Variants in EP400 observed in about 807,000 individuals in gnomAD.
EP400 encodes the protein E1A binding protein p400, also known as E1A-binding protein p400.
A neutral mutation model predicts 354.1 loss-of-function variants in EP400; 105 were observed. That is an observed-to-expected ratio of 0.30 (90% CI 0.25 to 0.35). EP400 has a LOEUF of 0.35. Among genes scored for constraint, EP400 ranks in the 10% least tolerant of loss-of-function variants. The pLI, the probability that EP400 is intolerant of heterozygous loss-of-function variation, is 1.00. For synonymous variants in EP400, 1,646 were observed against 1,716.9 expected (o/e 0.96, Z 1.02); for missense variants, 3,280 against 4,121.0 (o/e 0.80, Z 5.59).
At chr12:131,981,918 C>G (rs994571138) in intron 4 of EP400, among the ~76,000 whole-genome samples, 175 bp from the exon 5 acceptor site, 3 of 152,126 alleles carry the variant, frequency 2.0e-5, no homozygotes, top group Non-Finnish European at 4.4e-5. Context: ...TGCTGACTTG[C>G]AAAGGTCAAG....
intron 45 of EP400, among the ~76,000 whole-genome samples, chr12:132,059,467 T>C (rs1382529811): frequency 6.6e-6 from 1 of 152,180 alleles, no homozygotes; most frequent in Non-Finnish European, 1.5e-5. Context: ...AAGTGAAGTC[T>C]ACCTGCTTCA....
At chr12:131,997,761 G>A (rs2136512725) in intron 12 of EP400, among the ~76,000 whole-genome samples, 1 of 152,164 alleles carries the variant, frequency 6.6e-6, no homozygotes, top group Middle Eastern at 3.4e-3. Flanking sequence ...GGAGGGGAAG[G>A]GGTTGGTCCT....
In EP400 at chr12:132,017,802, G is replaced by T. The variant is rs1325351570; in HGVS notation, c.4110+81G>T. 3 of 1,409,152 alleles carry T rather than the reference G, an allele frequency of 2.1e-6. No homozygotes were observed. Among genetic ancestry groups the T allele is most frequent in the Non-Finnish European group, 2.8e-6 (3 of 1,064,264 alleles). The allele number at this position is 1,409,152 out of a possible 1,614,324, so 87.3% of individuals were successfully genotyped here. ...TATAGATAAAACCATTCTTGGAAAT[G>T]GGTTCTCAACCAGCTCTTCTGCAAT... On this transcript the variant is annotated intron_variant, in intron 20 of 52. Coordinates refer to ENST00000389561, the MANE Select transcript of EP400 (RefSeq NM_015409.5). This position sits in a 1 kb window ranked among gnomAD's most constrained non-coding sequence, Gnocchi z 5.0.
chr12:132,065,368 T>TA, intron 48 of EP400: 2 of 159,712 alleles, frequency 1.3e-5, no homozygotes, highest in Admixed American at 5.9e-5. Context: ...AGACTGGCTC[T>TA]CAGCAGGTGC....
At chr12:131,978,166 A>G (rs57221495) in intron 2 of EP400, among the ~76,000 whole-genome samples, 1 of 152,104 alleles carries the variant, frequency 6.6e-6, no homozygotes, top group Admixed American at 6.5e-5. Context: ...TTTAAAAAAC[A>G]TGATTTTTTA....
At chr12:131,975,863 A>G (rs1892455655) in intron 2 of EP400, among the ~76,000 whole-genome samples, 1 of 152,018 alleles carries the variant, frequency 6.6e-6, no homozygotes, top group South Asian at 2.1e-4. Flanking sequence ...TGGTCAATTT[A>G]AAATTTTTTG....
rs376064712 is a variant in EP400 at position 132,069,757 on chromosome 12, C to G, written c.9021+116C>G. ...CCTTGCGGCTGCACTGGGTGGTGCACTGGAGGGAAGTGTTGTCTCCTGGCC... is the reference window on the plus strand; with the variant it reads ...CCTTGCGGCTGCACTGGGTGGTGCAGTGGAGGGAAGTGTTGTCTCCTGGCC... On this transcript the variant is annotated intron_variant, in intron 51 of 52. Transcript: ENST00000389561. The G allele has an allele frequency of 3.6e-5, 52 of 1,452,424 alleles. No homozygotes were observed. The East Asian group carries it at 5.8e-4, about 16-fold the overall frequency. 90.0% of individuals were successfully genotyped at this position (1,452,424 alleles called of 1,614,324 possible). A position where few individuals can be genotyped will look rare whatever the true frequency, so the allele number is the denominator to read the frequency against.
intron 15 of EP400, among the ~76,000 whole-genome samples, chr12:132,010,085 C>CT (rs771764984): frequency 0.012 from 1,659 of 134,544 alleles, 50 homozygotes; most frequent in South Asian, 0.11. Context: ...GAGGTTGTGT[C>CT]TTTTTTTTTT....
At position 132,027,598 on chromosome 12, in the gene EP400, T is replaced by A; in HGVS notation, c.5109+67T>A. The A allele has an allele frequency of 7.4e-7, 1 of 1,349,454 alleles. No individual in the cohort carries two copies. The highest frequency in any genetic ancestry group is 1.0e-6 in the Non-Finnish European group (1 of 988,146). 83.6% of individuals were successfully genotyped at this position (1,349,454 alleles called of 1,614,324 possible). A position where few individuals can be genotyped will look rare whatever the true frequency, so the allele number is the denominator to read the frequency against. ...AGCTTTCCAAGAGCTGCTCGTTGTG[T>A]TTGGTTGTGATATTTAAAGGCTCCT... On this transcript the variant is annotated intron_variant, in intron 26 of 52. Coordinates refer to ENST00000389561, the MANE Select transcript of EP400 (RefSeq NM_015409.5). The surrounding 1 kb of genome is among the most constrained non-coding windows in gnomAD (Gnocchi z 4.9).
At chr12:131,952,633 G>A (rs971224362) in intron 1 of EP400, among the ~76,000 whole-genome samples, 5 of 152,044 alleles carry the variant, frequency 3.3e-5, no homozygotes, top group African/African-American at 1.2e-4. Context: ...TTGATTTTTT[G>A]TAGAGACACT....
At chr12:132,032,623 T>G (rs1049647107) in intron 30 of EP400, among the ~76,000 whole-genome samples, 5 of 134,944 alleles carry the variant, frequency 3.7e-5, no homozygotes, top group East Asian at 2.0e-4. Flanking sequence ...AGAGAATTAG[T>G]TTTTTTTTTT....
rs769371322 is a variant in EP400 at position 132,062,478 on chromosome 12, A to G, written c.8111A>G (p.Gln2704Arg). 6.2e-7 allele frequency: 1 copy of G among 1,613,034 alleles called. No individual in the cohort carries two copies. Among genetic ancestry groups the G allele is most frequent in the East Asian group, 2.2e-5 (1 of 44,880 alleles). ...VPQVSQATGV[Q>R]LPGKTITPAH... ...AACCTCTTCATAGCCACAGGAGTTC[A>G]GCTCCCTGGAAAAACCATCACACCT... The change falls in exon 47 of 53, where the codon CAG becomes CGG. Residue 2704 changes from glutamine to arginine, a missense_variant. Gln to Arg is a conservative substitution (Grantham distance 43). This residue lies in a region of EP400 where 255 missense variants were observed against 295.9 expected (regional missense o/e 0.86). Coordinates refer to ENST00000389561, the MANE Select transcript of EP400 (RefSeq NM_015409.5).
At position 132,021,271 on chromosome 12, in the gene EP400, C is replaced by T. The variant is rs771703326; in HGVS notation, c.4640C>T (p.Ala1547Val). The T allele has an allele frequency of 1.7e-4, 261 of 1,531,896 alleles. No individual in the cohort carries two copies. The highest frequency in any genetic ancestry group is 2.3e-4 in the Middle Eastern group (1 of 4,378). The allele number at this position is 1,531,896 out of a possible 1,614,324, so 94.9% of individuals were successfully genotyped here. A position where few individuals can be genotyped will look rare whatever the true frequency, so the allele number is the denominator to read the frequency against. The stretch of plus-strand genomic sequence containing the variant: ...CCCTCGCACGCGGCCGGGCAGAGCG[C>T]GCTGCCTCAGAGGCTGGTGCTCCCC... ...QAPSHAAGQS[A>V]LPQRLVLPSQ... is the part of the protein sequence containing the mutation. Residue 1547 changes from alanine to valine, a missense_variant, in exon 23 of 53, where the codon GCG (alanine) becomes GTG (valine). Ala to Val is a moderately conservative substitution (Grantham distance 64). This residue lies in a region of EP400 where 342 missense variants were observed against 342.7 expected (regional missense o/e 1.00). Transcript: ENST00000389561.
intron 32 of EP400, 57 bp from the exon 33 acceptor site, chr12:132,043,246 TC>T (rs1021154670): frequency 9.3e-5 from 145 of 1,564,338 alleles, no homozygotes; most frequent in Non-Finnish European, 1.2e-4. Flanking sequence ...TAGCTCTTTT[TC>T]AAACTACCCT....
chr12:131,969,128 T>G (rs1399146581), intron 2 of EP400, among the ~76,000 whole-genome samples: 1 of 152,138 alleles, frequency 6.6e-6, no homozygotes, highest in African/African-American at 2.4e-5. Flanking sequence ...TCTTCCACCT[T>G]TAAGTAAGAT....
Position 131,996,310 on chromosome 12 carries a change from T to TTTTTTTC in EP400, c.2827+1355_2827+1356insTTTTTCT, listed in dbSNP as rs1339572748. Among the ~76,000 whole-genome samples the TTTTTTTC allele has an allele frequency of 8.9e-4, 134 of 151,000 alleles. 1 individual carries two copies. The highest frequency in any genetic ancestry group is 6.8e-3 in the Middle Eastern group (2 of 294). ...GGAAGGAACTCTTTTTTTTTTTTTT[T>TTTTTTTC]TGAGATGGAGTCTCGCTGTCACCCA... On this transcript the variant is annotated intron_variant, in intron 12 of 52. Coordinates refer to ENST00000389561, the MANE Select transcript of EP400 (RefSeq NM_015409.5).
At chr12:132,045,632 T>C in intron 38 of EP400, 72 bp downstream of exon 38, 1 of 1,603,490 alleles carries the variant, frequency 6.2e-7, no homozygotes, top group Non-Finnish European at 8.5e-7. Flanking sequence ...TGCATCCAGC[T>C]CACTGTGATC....
chr12:131,997,790 A>G (rs1387036839), intron 12 of EP400, among the ~76,000 whole-genome samples: 1 of 152,154 alleles, frequency 6.6e-6, no homozygotes, highest in Non-Finnish European at 1.5e-5. Context: ...TAAAATCTGC[A>G]TGGAAGAGGA....
Position 132,042,108 on chromosome 12 carries a change from G to A in EP400, c.6208-1196G>A, listed in dbSNP as rs550272917. ...TGGAATTACAGGTGCATGCCACCAC[G>A]CCTGGCTAATTTTTATATTTTTAAT... On this transcript the variant is annotated intron_variant, in intron 32 of 52. Coordinates refer to ENST00000389561, the MANE Select transcript of EP400 (RefSeq NM_015409.5). Among the ~76,000 whole-genome samples the A allele has an allele frequency of 3.3e-5, 5 of 151,930 alleles. No individual in the cohort carries two copies. In the East Asian group the frequency reaches 9.7e-4, roughly 29 times the overall value.
Sources: allele counts gnomAD v4.1 joint callset (sites outside exome capture counted in the v4.1 genomes callset), GRCh38; gene constraint gnomAD v4.1.1; regional missense constraint gnomAD v4.1.1; non-coding constraint Gnocchi (gnomAD v3.1); transcripts MANE v1.5; gene names NCBI Gene and HGNC (gene_info 2026-07-23, HGNC 2026-07-21).